The following GSN variants were observed in gnomAD, a reference collection of about 807,000 sequenced individuals.
GSN encodes gelsolin, also known as actin-depolymerizing factor.
Under a neutral mutation model 85.7 loss-of-function variants are expected in GSN, and 56 were observed. That is an observed-to-expected ratio of 0.65 (90% CI 0.53 to 0.82). The LOEUF (loss-of-function observed/expected upper bound fraction) is 0.82, where lower values mean the gene tolerates loss of function less well. GSN is among the 40% of genes least tolerant of loss of function. The pLI, the probability that GSN is intolerant of heterozygous loss-of-function variation, is 0.00. For synonymous variants in GSN, 373 were observed against 399.1 expected (o/e 0.93, Z 0.78); for missense variants, 857 against 979.8 (o/e 0.87, Z 1.67).
chr9:121,225,538 C>A (rs190126460), intron 4 of GSN, among the ~76,000 whole-genome samples: 1 of 152,184 alleles, frequency 6.6e-6, no homozygotes, highest in Non-Finnish European at 1.5e-5. Flanking sequence ...GAAAAAGCAT[C>A]GGACATGGAT....
intron 2 of GSN, among the ~76,000 whole-genome samples, chr9:121,298,952 G>T (rs1487764714): frequency 6.6e-6 from 1 of 152,150 alleles, no homozygotes; most frequent in Non-Finnish European, 1.5e-5. Flanking sequence ...CTTCCCCCAG[G>T]GGAGTCAATG....
At chr9:121,328,578 C>G (rs1164288576) in intron 14 of GSN, among the ~76,000 whole-genome samples, 1 of 152,192 alleles carries the variant, frequency 6.6e-6, no homozygotes, top group Non-Finnish European at 1.5e-5. Flanking sequence ...AGTTGCTTAA[C>G]CTCTCCGAGC....
intron 4 of GSN, among the ~76,000 whole-genome samples, chr9:121,307,049 C>T (rs1324418540): frequency 1.3e-5 from 2 of 152,160 alleles, no homozygotes; most frequent in South Asian, 4.2e-4. Context: ...GGCGTGGTGG[C>T]GGGTGCCCGT....
chr9:121,278,948 G>A (rs928952011), intron 1 of GSN, among the ~76,000 whole-genome samples: 5 of 152,224 alleles, frequency 3.3e-5, no homozygotes, highest in Non-Finnish European at 7.3e-5. Context: ...GTGTGTGCAC[G>A]TGCACGTATG....
In GSN at chr9:121,299,794, G is replaced by A; in HGVS notation, c.-9-2169G>A. 4.8e-6 allele frequency: 6 copies of A among 1,253,752 alleles called. No homozygotes were observed. The highest frequency in any genetic ancestry group is 6.0e-6 in the Non-Finnish European group (6 of 992,844). The allele number at this position is 1,253,752 out of a possible 1,614,324, so 77.7% of individuals were successfully genotyped here. On this transcript the variant is annotated intron_variant, in intron 2 of 17. Transcript: ENST00000432226. This position sits in a 1 kb window ranked among gnomAD's most constrained non-coding sequence, Gnocchi z 4.2. ...GTCCCCGGCTTGGGCGGGATGGGCGGGCGGCTACTTAAGGTCGGCGACCCG... is the reference window on the plus strand; with the variant it reads ...GTCCCCGGCTTGGGCGGGATGGGCGAGCGGCTACTTAAGGTCGGCGACCCG...
upstream of GSN, among the ~76,000 whole-genome samples, chr9:121,207,258 C>G (rs1159625915): frequency 1.3e-5 from 2 of 152,168 alleles, no homozygotes; most frequent in Non-Finnish European, 2.9e-5. Context: ...TGTGAGACTT[C>G]TGAGTCAAAG....
At chr9:121,247,559 A>G (rs2054725657) in intron 5 of GSN, among the ~76,000 whole-genome samples, 1 of 152,200 alleles carries the variant, frequency 6.6e-6, no homozygotes, top group Admixed American at 6.5e-5. Context: ...GCTACTTTTC[A>G]ATTAAACTGA....
At chr9:121,319,911 G>T (rs575861303) in intron 10 of GSN, among the ~76,000 whole-genome samples, 1 of 152,050 alleles carries the variant, frequency 6.6e-6, no homozygotes, top group Non-Finnish European at 1.5e-5. Context: ...ACTTGACTCC[G>T]TTCCTAATGA....
chr9:121,293,697 CAAAAA>C (rs55953322), intron 2 of GSN, among the ~76,000 whole-genome samples: 4 of 108,822 alleles, frequency 3.7e-5, no homozygotes, highest in Non-Finnish European at 1.9e-5. Flanking sequence ...GACCCCATCT[CAAAAA>C]AAAAAAAAAA....
intron 12 of GSN, among the ~76,000 whole-genome samples, chr9:121,325,875 G>A (rs909157163): frequency 1.2e-4 from 18 of 152,080 alleles, no homozygotes; most frequent in Non-Finnish European, 2.5e-4. Context: ...GGTGGAGTTG[G>A]GGTCTAAGCC....
upstream of GSN, among the ~76,000 whole-genome samples, chr9:121,205,136 G>C (rs2416820): frequency 0.59 from 89,811 of 151,460 alleles, 27,307 homozygotes; most frequent in East Asian, 0.92. Context: ...GTCAGCTCTT[G>C]ACCAACTTCT....
chr9:121,328,797 G>T, intron 14 of GSN, 94 bp from the exon 15 acceptor site: 1 of 1,302,948 alleles, frequency 7.7e-7, no homozygotes, highest in Non-Finnish European at 1.1e-6. Context: ...GAGAGCAGTT[G>T]GTTGCGCTTG....
chr9:121,273,576 C>T (rs549419286), intron 1 of GSN, among the ~76,000 whole-genome samples: 3 of 152,048 alleles, frequency 2.0e-5, no homozygotes, highest in Admixed American at 6.6e-5. Flanking sequence ...AAATCACTGC[C>T]AACACCTGGG....
At chr9:121,212,390 G>T (rs1032520199) in intron 4 of GSN, among the ~76,000 whole-genome samples, 2 of 152,098 alleles carry the variant, frequency 1.3e-5, no homozygotes, top group African/African-American at 4.8e-5. Context: ...TGTCGTGAAG[G>T]TTATAAATGT....
intron 2 of GSN, among the ~76,000 whole-genome samples, chr9:121,290,483 TGTA>T (rs2058581054): frequency 6.6e-6 from 1 of 152,236 alleles, no homozygotes; most frequent in Non-Finnish European, 1.5e-5. Context: ...ATGGTTCTAT[TGTA>T]GTCAAAAGTT....
At chr9:121,224,043 C>T (rs1426918201) in intron 4 of GSN, among the ~76,000 whole-genome samples, 1 of 151,856 alleles carries the variant, frequency 6.6e-6, no homozygotes, top group African/African-American at 2.4e-5. Flanking sequence ...CAGTATTTGC[C>T]AGTCTGATAG....
At chr9:121,241,651 C>A (rs1280041991) in intron 5 of GSN, among the ~76,000 whole-genome samples, 1 of 152,192 alleles carries the variant, frequency 6.6e-6, no homozygotes, top group Non-Finnish European at 1.5e-5. Context: ...GCTATAGTTG[C>A]TATTTTTATT....
rs368923816 is a variant in GSN, at chr9:121,321,376, C to T, written c.1300C>T (p.Arg434Cys). The change falls in exon 11 of 18, where the codon CGC becomes TGC. Residue 434 changes from arginine (R) to cysteine (C), a missense_variant. By Grantham distance (180) the Arg-to-Cys change is radical (BLOSUM62 -3). Transcript: ENST00000432226. ...IILYNYRHGG[R>C]QGQIIYNWQG... ...TCTGTACAACTACCGCCATGGTGGC[C>T]GCCAGGGGCAGATAATCTATAACTG... 37 of 1,613,904 alleles carry T rather than the reference C, an allele frequency of 2.3e-5. No homozygotes were observed. Among genetic ancestry groups the T allele is most frequent in the African/African-American group, 4.0e-5 (3 of 74,880 alleles).
chr9:121,312,395 A>G lies in GSN; in HGVS notation c.570A>G (p.Thr190=), dbSNP rs748904204. The stretch of plus-strand genomic sequence containing the variant: ...ATCGGTATGAAAGACTGAAGGCCAC[A>G]CAGGTGTCCAAGGGCATCCGGGACA... The part of the protein sequence containing the change: ...NSNRYERLKA[T]QVSKGIRDNE... The change falls in exon 6 of 18, where the codon ACA becomes ACG. Residue 190 remains threonine, a synonymous_variant. Coordinates refer to ENST00000432226, the MANE Select transcript of GSN (RefSeq NM_198252.3). 1.2e-6 allele frequency: 2 copies of G among 1,613,936 alleles called. No individual in the cohort carries two copies. The highest frequency in any genetic ancestry group is 1.3e-5 in the African/African-American group (1 of 74,922).
Sources: allele counts gnomAD v4.1 joint callset (sites outside exome capture counted in the v4.1 genomes callset), GRCh38; gene constraint gnomAD v4.1.1; non-coding constraint Gnocchi (gnomAD v3.1); transcripts MANE v1.5; gene names NCBI Gene and HGNC (gene_info 2026-07-23, HGNC 2026-07-21).